Variants in BICD1 observed in about 807,000 individuals in gnomAD.
BICD1 encodes the protein BICD cargo adaptor 1.
In BICD1, 35 loss-of-function variants were observed where a neutral mutation model predicts 92.5. The ratio of observed to expected loss-of-function variants is 0.38; its 90% confidence interval spans 0.29 to 0.50. The LOEUF (loss-of-function observed/expected upper bound fraction) is 0.50, where lower values mean the gene tolerates loss of function less well. Ranked by LOEUF, BICD1 falls within the 20% of genes least tolerant of loss-of-function variation. BICD1 has a pLI of 0.93. For synonymous variants in BICD1, 429 were observed against 465.1 expected (o/e 0.92, Z 1.00); for missense variants, 950 against 1,189.8 (o/e 0.80, Z 2.97).
intron 2 of BICD1, among the ~76,000 whole-genome samples, chr12:32,238,224 AC>A (rs1449902452): frequency 6.6e-6 from 1 of 150,746 alleles, no homozygotes; most frequent in African/African-American, 2.5e-5. Flanking sequence ...ACACAGTGAG[AC>A]CCCCATCTCC....
intron 4 of BICD1, among the ~76,000 whole-genome samples, chr12:32,322,041 C>T (rs1233964252): frequency 6.6e-6 from 1 of 151,998 alleles, no homozygotes; most frequent in Non-Finnish European, 1.5e-5. Flanking sequence ...ACAGTTTAAG[C>T]ATCTGCTCTT....
intron 1 of BICD1, among the ~76,000 whole-genome samples, chr12:32,189,698 ATTT>A (rs199713940): frequency 7.1e-5 from 10 of 140,510 alleles, no homozygotes; most frequent in Admixed American, 2.2e-4. Context: ...AAGTGTAGTA[ATTT>A]TTTTTTTTTT....
chr12:32,293,237 T>TA (rs1947769857), intron 2 of BICD1, among the ~76,000 whole-genome samples: 1 of 152,220 alleles, frequency 6.6e-6, no homozygotes, highest in Non-Finnish European at 1.5e-5. Flanking sequence ...CTAATATGCA[T>TA]ACTAATCTAT....
intron 8 of BICD1, among the ~76,000 whole-genome samples, chr12:32,349,861 T>C (rs1938789591): frequency 6.6e-6 from 1 of 152,200 alleles, no homozygotes; most frequent in Non-Finnish European, 1.5e-5. Flanking sequence ...AACACTTTGA[T>C]TTCTCTGTCA....
intron 1 of BICD1, among the ~76,000 whole-genome samples, chr12:32,179,061 A>G (rs145164687): frequency 4.6e-5 from 7 of 152,004 alleles, no homozygotes; most frequent in Non-Finnish European, 8.8e-5. Context: ...TTTTGGATAT[A>G]TGGAGTATTA....
intron 2 of BICD1, among the ~76,000 whole-genome samples, chr12:32,219,959 C>T (rs957330717): frequency 8.5e-5 from 13 of 152,252 alleles, no homozygotes; most frequent in African/African-American, 3.1e-4. Flanking sequence ...ACTATCTGAT[C>T]TTTGACAAAC....
Position 32,383,037 on chromosome 12 carries a change from T to C in BICD1, c.*5410T>C, listed in dbSNP as rs1940238835. 6.6e-6 allele frequency: 1 copy of C among 152,082 alleles called. No homozygotes were observed. Among genetic ancestry groups the C allele is most frequent in the Non-Finnish European group, 1.5e-5 (1 of 67,946 alleles). The allele number at this position is 152,082 out of a possible 1,614,324, so 9.4% of individuals were successfully genotyped here. Reference sequence around the variant, plus strand: ...CTTATGACATTTTTATAATCTACTCTGTTTTTATTTGCATGATTATGCTTA... The same window carrying C: ...CTTATGACATTTTTATAATCTACTCCGTTTTTATTTGCATGATTATGCTTA... On this transcript the variant is annotated 3_prime_UTR_variant, in exon 10 of 10. Coordinates refer to ENST00000652176, the MANE Select transcript of BICD1 (RefSeq NM_001714.4).
intron 1 of BICD1, among the ~76,000 whole-genome samples, chr12:32,163,477 G>C (rs1337373445): frequency 1.3e-5 from 2 of 152,058 alleles, no homozygotes; most frequent in Non-Finnish European, 2.9e-5. Flanking sequence ...GTAGCAAAGT[G>C]ATATTTTCCT....
At chr12:32,293,901 G>A (rs261877) in intron 2 of BICD1, 93 bp from the exon 3 acceptor site, 926,832 of 1,306,602 alleles carry the variant, frequency 0.71, 330,154 homozygotes, top group African/African-American at 0.78. Flanking sequence ...CCCATGAGGT[G>A]TTTTTATTAT....
intron 4 of BICD1, among the ~76,000 whole-genome samples, chr12:32,308,834 T>A (rs1470468456): frequency 6.6e-6 from 1 of 152,198 alleles, no homozygotes; most frequent in Non-Finnish European, 1.5e-5. Context: ...GTTGACAGTT[T>A]GCAAAGATGT....
At chr12:32,186,820 G>A (rs1944433712) in intron 1 of BICD1, among the ~76,000 whole-genome samples, 1 of 152,104 alleles carries the variant, frequency 6.6e-6, no homozygotes, top group Non-Finnish European at 1.5e-5. Context: ...TTATATTTAT[G>A]GAAATGTTTG....
At chr12:32,290,857 C>G (rs190511) in intron 2 of BICD1, among the ~76,000 whole-genome samples, 50,334 of 152,022 alleles carry the variant, frequency 0.33, 8,977 homozygotes, top group Non-Finnish European at 0.41. Flanking sequence ...CCCTTCTTTT[C>G]CCCCCTCCAA....
At chr12:32,222,550 G>A (rs182539068) in intron 2 of BICD1, among the ~76,000 whole-genome samples, 6 of 152,240 alleles carry the variant, frequency 3.9e-5, no homozygotes, top group East Asian at 1.9e-4. Context: ...CCATGTCACC[G>A]TAGCTGCCAA....
chr12:32,331,063 G>A (rs950944513), intron 5 of BICD1, among the ~76,000 whole-genome samples: 1 of 152,050 alleles, frequency 6.6e-6, no homozygotes, highest in Non-Finnish European at 1.5e-5. Context: ...GAACCCCGGG[G>A]GGCGGAGGTT....
At chr12:32,228,819 A>G (rs894958361) in intron 2 of BICD1, among the ~76,000 whole-genome samples, 1 of 152,202 alleles carries the variant, frequency 6.6e-6, no homozygotes, top group Admixed American at 6.5e-5. Flanking sequence ...AGCACATTTT[A>G]GGAAGGAAGG....
chr12:32,138,903 G>C (rs1393738481), intron 1 of BICD1, among the ~76,000 whole-genome samples: 1 of 152,144 alleles, frequency 6.6e-6, no homozygotes, highest in South Asian at 2.1e-4. Context: ...TATGGGCATT[G>C]TAAGTTCTAA....
intron 2 of BICD1, among the ~76,000 whole-genome samples, chr12:32,278,229 A>G (rs1367899559): frequency 6.6e-6 from 1 of 152,208 alleles, no homozygotes; most frequent in Non-Finnish European, 1.5e-5. Flanking sequence ...CATATAATGA[A>G]TTCTTTTATT....
chr12:32,300,023 A>G (rs1334916309), intron 3 of BICD1, among the ~76,000 whole-genome samples: 1 of 152,230 alleles, frequency 6.6e-6, no homozygotes, highest in Non-Finnish European at 1.5e-5. Flanking sequence ...GACAACATGT[A>G]AACAAATACA....
rs56005523 is a variant in BICD1 at position 32,215,953 on chromosome 12, CAAAAAAAAA to C, written c.214-280_214-272del. The stretch of plus-strand genomic sequence containing the variant: ...TGGGCGACAGAGCGAGACTCCGTCT[CAAAAAAAAA>C]AAAAAAAAAAAAAGGAGAACATAAA... On this transcript the variant is annotated intron_variant, in intron 1 of 9. Transcript: ENST00000652176. Among the ~76,000 whole-genome samples, 5 of 67,914 alleles carry C rather than the reference CAAAAAAAAA, an allele frequency of 7.4e-5. No homozygotes were observed. In the South Asian group the frequency reaches 3.5e-3, roughly 48 times the overall value. The allele number at this position is 67,914 out of a possible 152,430, so 44.6% of individuals were successfully genotyped here.
Sources: allele counts gnomAD v4.1 joint callset (sites outside exome capture counted in the v4.1 genomes callset), GRCh38; gene constraint gnomAD v4.1.1; transcripts MANE v1.5; gene names NCBI Gene and HGNC (gene_info 2026-07-23, HGNC 2026-07-21).